Variants in TUBGCP5 observed in about 807,000 individuals in gnomAD.
The protein encoded by TUBGCP5 is tubulin gamma complex component 5.
Under a neutral mutation model 134.7 loss-of-function variants are expected in TUBGCP5, and 98 were observed. The observed-to-expected ratio is 0.73, with a 90% CI of 0.62 to 0.86. The LOEUF is 0.86. TUBGCP5 is among the 40% of genes least tolerant of loss of function. The probability of loss-of-function intolerance (pLI) is 0.00; values close to 1 mark genes in which losing one functional copy is unlikely to be tolerated. For synonymous variants in TUBGCP5, 456 were observed against 431.4 expected, an observed-to-expected ratio of 1.06 and a Z score of -0.71; for missense variants, 1,150 against 1,244.8, an observed-to-expected ratio of 0.92 and a Z score of 1.15.
rs1247653908 is a variant in TUBGCP5, at chr15:23,037,108, G to C, written c.191C>G (p.Thr64Arg). The C allele has an allele frequency of 6.2e-7, 1 of 1,613,568 alleles. No homozygotes were observed. Among genetic ancestry groups the C allele is most frequent in the African/African-American group, 1.3e-5 (1 of 74,884 alleles). Residue 64 changes from threonine to arginine, a missense_variant, in exon 2 of 23, where the codon ACA becomes AGA. Around this residue, in one of 2 missense-constraint regions of TUBGCP5, gnomAD observed 453 missense variants for 394.7 expected, o/e 1.15. Transcript: ENST00000615383. ...LDVNSHKIEK[T>R]IEGIYEKFVI... is the part of the protein sequence containing the mutation. ...ATACACACTGACTTACCCTTCGATTGTTTTTTCTATTTTGTGGCTGTTGAC... is the reference window on the plus strand; with the variant it reads ...ATACACACTGACTTACCCTTCGATTCTTTTTTCTATTTTGTGGCTGTTGAC...
Position 23,039,535 on chromosome 15 carries a change from C to T in TUBGCP5, c.9G>A (p.Arg3=), listed in dbSNP as rs899757261. 5.4e-6 allele frequency: 8 copies of T among 1,474,304 alleles called. No homozygotes were observed. The highest frequency in any genetic ancestry group is 2.9e-5 in the African/African-American group (2 of 69,106). The allele number at this position is 1,474,304 out of a possible 1,614,324, so 91.3% of individuals were successfully genotyped here. MA[R]HGPPWSRLDA... ...CCAACCGACTCCACGGTGGCCCGTG[C>T]CGCGCCATGTTCCGCGCTCCTGCAG... Residue 3 remains arginine (R), a synonymous_variant, in exon 1 of 23, where the codon CGG becomes CGA. Transcript: ENST00000615383.
intron 18 of TUBGCP5, 173 bp downstream of exon 18, chr15:23,005,876 AACT>A: frequency 1.4e-6 from 1 of 717,600 alleles, no homozygotes; most frequent in Non-Finnish European, 2.2e-6. Context: ...ATGTCCATAA[AACT>A]ACTGCTAGAA....
intron 11 of TUBGCP5, among the ~76,000 whole-genome samples, chr15:23,019,625 C>A (rs2065548641): frequency 6.6e-6 from 1 of 151,386 alleles, no homozygotes; most frequent in African/African-American, 2.4e-5. Context: ...GGTGAAACCC[C>A]CTCTCTACTA....
intron 11 of TUBGCP5, among the ~76,000 whole-genome samples, chr15:23,021,537 T>G (rs1367240510): frequency 6.6e-6 from 1 of 152,072 alleles, no homozygotes; most frequent in Non-Finnish European, 1.5e-5. Context: ...GTGACAAATC[T>G]CCAGAACTTT....
intron 6 of TUBGCP5, among the ~76,000 whole-genome samples, chr15:23,027,945 T>A (rs942699137): frequency 7.2e-5 from 11 of 152,178 alleles, no homozygotes; most frequent in African/African-American, 2.6e-4. Context: ...TACGGAAGTC[T>A]CAGGACTGGT....
At chr15:23,036,242 C>A (rs2066583251) in intron 3 of TUBGCP5, among the ~76,000 whole-genome samples, 1 of 152,162 alleles carries the variant, frequency 6.6e-6, no homozygotes, top group Admixed American at 6.5e-5. Context: ...GTCACCAAGG[C>A]TCAGCCGAGT....
rs771486744 is a variant in TUBGCP5, at chr15:23,006,263, T to C, written c.2412+5A>G. The C allele has an allele frequency of 1.3e-5, 21 of 1,609,460 alleles. No individual in the cohort carries two copies. The highest frequency in any genetic ancestry group is 5.4e-5 in the African/African-American group (4 of 74,674). ...ACGGTTCATACAAGGAATATCAGCA[T>C]ATACCTTGTAGCTGAGGGTCAGACC... is the stretch of plus-strand genomic sequence containing the variant. On this transcript the variant is annotated splice_donor_5th_base_variant and intron_variant, in intron 17 of 22. Transcript: ENST00000615383.
chr15:23,025,692 T>G (rs948911811), intron 8 of TUBGCP5, among the ~76,000 whole-genome samples: 1 of 151,804 alleles, frequency 6.6e-6, no homozygotes, highest in Non-Finnish European at 1.5e-5. Flanking sequence ...TTAGCCGGGC[T>G]TGGTGGTGGG....
At chr15:22,983,711 C>T (rs897250976) in intron 23 of TUBGCP5, 2 of 152,092 alleles carry the variant, frequency 1.3e-5, no homozygotes, top group Non-Finnish European at 2.9e-5. Flanking sequence ...TGATGTAGTT[C>T]GTCTCTCTCT....
intron 10 of TUBGCP5, among the ~76,000 whole-genome samples, chr15:23,022,813 G>A (rs1199197868): frequency 1.3e-5 from 2 of 152,160 alleles, no homozygotes. Context: ...TGGGAACACA[G>A]GGCCTCTCTG....
chr15:22,992,554 C>T (rs745485963), intron 23 of TUBGCP5, among the ~76,000 whole-genome samples: 13 of 152,180 alleles, frequency 8.5e-5, no homozygotes, highest in Non-Finnish European at 4.4e-5. Context: ...TGGACTGATA[C>T]AGATTTTGGT....
intron 23 of TUBGCP5, among the ~76,000 whole-genome samples, chr15:22,990,397 C>G (rs2063811418): frequency 6.6e-6 from 1 of 152,184 alleles, no homozygotes; most frequent in African/African-American, 2.4e-5. Context: ...AAGGCTGGAG[C>G]CAAGAACTGG....
downstream of TUBGCP5, among the ~76,000 whole-genome samples, chr15:22,998,176 G>C (rs1595805170): frequency 1.3e-5 from 2 of 152,010 alleles, no homozygotes. Flanking sequence ...TTAGCTGGGC[G>C]TGGTGGTGCA....
Position 23,024,756 on chromosome 15 carries a change from A to G in TUBGCP5, c.902T>C (p.Ile301Thr), listed in dbSNP as rs1054432326. 1.9e-6 allele frequency: 3 copies of G among 1,569,774 alleles called. No individual in the cohort carries two copies. Among genetic ancestry groups the G allele is most frequent in the Admixed American group, 1.7e-5 (1 of 57,622 alleles). The change falls in exon 9 of 23, where the codon ATA (isoleucine) becomes ACA (threonine). Residue 301 changes from isoleucine to threonine, a missense_variant. Coordinates refer to ENST00000615383, the MANE Select transcript of TUBGCP5 (RefSeq NM_052903.6). ...ACTTACATGTGTTAAATGAGTTACTATAATATTGTTTCTCACAGTTACCTT... is the reference window on the plus strand; with the variant it reads ...ACTTACATGTGTTAAATGAGTTACTGTAATATTGTTTCTCACAGTTACCTT... ...DGKVTVRNNI[I>T]VTHLTHSCLR...
At chr15:23,008,665 A>G (rs775097526) in intron 16 of TUBGCP5, 34 bp downstream of exon 16, 3 of 1,597,916 alleles carry the variant, frequency 1.9e-6, no homozygotes, top group South Asian at 2.3e-5. Context: ...TTCATGTTAC[A>G]CTAATTTAAA....
At chr15:22,988,939 G>A (rs2063768618) in intron 23 of TUBGCP5, among the ~76,000 whole-genome samples, 1 of 151,626 alleles carries the variant, frequency 6.6e-6, no homozygotes, top group African/African-American at 2.4e-5. Flanking sequence ...TCTCCATATT[G>A]GTGTAGAGGC....
intron 11 of TUBGCP5, among the ~76,000 whole-genome samples, chr15:23,021,470 C>G (rs1043742338): frequency 6.6e-6 from 1 of 152,192 alleles, no homozygotes. Flanking sequence ...GCACGAGCCA[C>G]TGTGCCTGAC....
At chr15:23,005,309 G>T in intron 19 of TUBGCP5, 123 bp downstream of exon 19, 2 of 1,091,362 alleles carry the variant, frequency 1.8e-6, no homozygotes, top group Non-Finnish European at 2.6e-6. Context: ...GATCAAATTT[G>T]CTACATGTCC....
Position 23,017,955 on chromosome 15 carries a change from T to A in TUBGCP5, c.1574A>T (p.Glu525Val). The A allele has an allele frequency of 6.2e-7, 1 of 1,614,234 alleles. No individual in the cohort carries two copies. Among genetic ancestry groups the A allele is most frequent in the Non-Finnish European group, 8.5e-7 (1 of 1,180,030 alleles). Residue 525 changes from glutamate to valine, a missense_variant, in exon 13 of 23, where the codon GAA becomes GTA. Glu to Val is a moderately radical substitution (Grantham distance 121, BLOSUM62 -2). Around this residue, in one of 2 missense-constraint regions of TUBGCP5, gnomAD observed 697 missense variants for 850.1 expected, o/e 0.82. Coordinates refer to ENST00000615383, the MANE Select transcript of TUBGCP5 (RefSeq NM_052903.6). ...YSVSEKTENE[E>V]KMSDNASASS... Reference sequence around the variant, plus strand: ...CGCACTAGCGTTATCACTCATTTTTTCTTCATTTTCTGTCTTTTCTGATAC... The same window carrying A: ...CGCACTAGCGTTATCACTCATTTTTACTTCATTTTCTGTCTTTTCTGATAC...
Sources: gnomAD v4.1 joint callset for allele counts (sites outside exome capture counted in the v4.1 genomes callset) on GRCh38, gnomAD v4.1.1 for gene constraint, gnomAD v4.1.1 regional missense constraint, MANE v1.5 for transcripts, NCBI Gene and HGNC (gene_info 2026-07-23, HGNC 2026-07-21) for gene names.